Variants in RLN2 observed in about 807,000 individuals in gnomAD.
The protein encoded by RLN2 is relaxin 2.
RLN2 carries 10 observed loss-of-function variants against 7.3 expected under a neutral mutation model. The ratio of observed to expected loss-of-function variants is 1.36; its 90% CI spans 0.84 to 2.31. RLN2 has a LOEUF of 2.31. Ranked by LOEUF, RLN2 falls within the 30% of genes most tolerant of loss-of-function variation. RLN2 has a pLI of 0.00. For missense variants in RLN2, 298 were observed against 217.6 expected, an observed-to-expected ratio of 1.37 and a Z score of -2.32; for synonymous variants, 103 against 82.3, an observed-to-expected ratio of 1.25 and a Z score of -1.36.
At chr9:5,329,309 C>CAAAAA in the RLN2 span, among the ~76,000 whole-genome samples, 262 of 51,540 alleles carry the variant, frequency 5.1e-3, no homozygotes, top group East Asian at 9.7e-3. Context: ...GACTCCATCT[C>CAAAAA]AAAAAAAAAA....
chr9:5,307,745 G>C (rs140956121), upstream of RLN2, among the ~76,000 whole-genome samples: 16 of 152,154 alleles, frequency 1.1e-4, no homozygotes, highest in Non-Finnish European at 1.6e-4. Flanking sequence ...CTTTGTCCCA[G>C]ATGACAGGTG....
the RLN2 span, among the ~76,000 whole-genome samples, chr9:5,332,324 T>C: frequency 6.6e-6 from 1 of 151,580 alleles, no homozygotes; most frequent in Non-Finnish European, 1.5e-5. Flanking sequence ...ATGAAGTGCA[T>C]GTATTACTTT....
the RLN2 span, among the ~76,000 whole-genome samples, chr9:5,327,323 G>A: frequency 2.0e-4 from 31 of 152,132 alleles, no homozygotes; most frequent in African/African-American, 6.3e-4. Context: ...GACCGGCTAC[G>A]CAGCAGCTTG....
chr9:5,329,325 A>AAAAAG, the RLN2 span, among the ~76,000 whole-genome samples: 9 of 149,770 alleles, frequency 6.0e-5, no homozygotes, highest in African/African-American at 7.4e-5. Flanking sequence ...AAAAAAAAAA[A>AAAAAG]AAAAGAAAAG....
the RLN2 span, among the ~76,000 whole-genome samples, chr9:5,332,826 A>G: frequency 6.6e-6 from 1 of 151,856 alleles, no homozygotes; most frequent in Non-Finnish European, 1.5e-5. Flanking sequence ...CATGTTAGCC[A>G]GGATGGTCTC....
At chr9:5,335,311 TGCCAC>T in the RLN2 span, 3 of 1,608,824 alleles carry the variant, frequency 1.9e-6, no homozygotes, top group African/African-American at 4.0e-5. Context: ...TCTCAAACAG[TGCCAC>T]GTAGGGTCGT....
At chr9:5,301,833 A>AT (rs904667105) in intron 1 of RLN2, among the ~76,000 whole-genome samples, 19 of 151,458 alleles carry the variant, frequency 1.3e-4, no homozygotes, top group Non-Finnish European at 2.1e-4. Context: ...TGACAGAGGA[A>AT]TAAAAAAAAA....
chr9:5,306,512 T>A (rs1050934225), upstream of RLN2, among the ~76,000 whole-genome samples: 2 of 152,100 alleles, frequency 1.3e-5, no homozygotes, highest in Non-Finnish European at 2.9e-5. Context: ...CAGGGTAATT[T>A]TGGCCAGCAC....
upstream of RLN2, among the ~76,000 whole-genome samples, chr9:5,306,109 G>GTTTTTTTT (rs199949652): frequency 7.6e-5 from 10 of 131,520 alleles, no homozygotes; most frequent in Non-Finnish European, 1.3e-4. Context: ...TTTGTTTTTT[G>GTTTTTTTT]TTTTTTTTTT....
At position 5,300,253 on chromosome 9, in the gene RLN2, T is replaced by G. The variant is rs1816085090; in HGVS notation, c.403A>C (p.Asn135His). 6.2e-7 allele frequency: 1 copy of G among 1,614,072 alleles called. No individual in the cohort carries two copies. ...LFEEFKKLIR[N>H]RQSEAADSSP... ...CTGTCTGCGGCTTCACTTTGTCTATTGCGAATAAGTTTCTTAAATTCTTCA... is the reference window on the plus strand; with the variant it reads ...CTGTCTGCGGCTTCACTTTGTCTATGGCGAATAAGTTTCTTAAATTCTTCA... The change falls in exon 2 of 2, where the codon AAT becomes CAT. Residue 135 changes from asparagine (N) to histidine (H), a missense_variant. Transcript: ENST00000381627.
At chr9:5,332,935 G>A in the RLN2 span, among the ~76,000 whole-genome samples, 1 of 151,930 alleles carries the variant, frequency 6.6e-6, no homozygotes, top group Non-Finnish European at 1.5e-5. Flanking sequence ...CATTCTTAAT[G>A]TTGTACACTT....
the RLN2 span, among the ~76,000 whole-genome samples, chr9:5,337,178 C>A: frequency 6.6e-6 from 1 of 151,866 alleles, no homozygotes; most frequent in South Asian, 2.1e-4. Flanking sequence ...CTCATAAAAA[C>A]GTCTCTGTGC....
At chr9:5,323,679 C>G in the RLN2 span, among the ~76,000 whole-genome samples, 1 of 151,934 alleles carries the variant, frequency 6.6e-6, no homozygotes, top group African/African-American at 2.4e-5. Context: ...TAGAATTTCC[C>G]TTACTTGTAA....
the RLN2 span, chr9:5,335,007 C>A: frequency 2.7e-6 from 1 of 371,928 alleles, no homozygotes; most frequent in Non-Finnish European, 4.7e-6. Context: ...AAGTTAACAG[C>A]ATTAAAAAGA....
chr9:5,320,754 G>GATATTTA, the RLN2 span, among the ~76,000 whole-genome samples: 5 of 152,030 alleles, frequency 3.3e-5, no homozygotes, highest in African/African-American at 1.2e-4. Flanking sequence ...ATATTCAGAG[G>GATATTTA]GCATTTAAAA....
the RLN2 span, among the ~76,000 whole-genome samples, chr9:5,332,037 C>A: frequency 6.6e-6 from 1 of 151,380 alleles, no homozygotes; most frequent in Non-Finnish European, 1.5e-5. Flanking sequence ...GGGATGAAGG[C>A]AAATGTCTAT....
At chr9:5,332,514 T>C in the RLN2 span, among the ~76,000 whole-genome samples, 18 of 152,090 alleles carry the variant, frequency 1.2e-4, no homozygotes, top group South Asian at 1.7e-3. Flanking sequence ...ATGTAACACA[T>C]GGAAGGTGGC....
the RLN2 span, among the ~76,000 whole-genome samples, chr9:5,318,533 T>A: frequency 1.3e-5 from 2 of 151,984 alleles, no homozygotes; most frequent in Non-Finnish European, 2.9e-5. Flanking sequence ...TTCAAAGAAG[T>A]TTATTCTATA....
rs759872269 is a variant in RLN2, at chr9:5,300,259, T to A, written c.397A>T (p.Ile133Phe). 1.2e-5 allele frequency: 20 copies of A among 1,613,950 alleles called. No individual in the cohort carries two copies. Among genetic ancestry groups the A allele is most frequent in the Non-Finnish European group, 1.7e-5 (20 of 1,179,964 alleles). The change falls in exon 2 of 2, where the codon ATT becomes TTT. Residue 133 changes from isoleucine (I) to phenylalanine (F), a missense_variant. By Grantham distance (21) the Ile-to-Phe change is conservative. Coordinates refer to ENST00000381627, the MANE Select transcript of RLN2 (RefSeq NM_134441.3). ...GCGGCTTCACTTTGTCTATTGCGAA[T>A]AAGTTTCTTAAATTCTTCAAAGAGA... is the stretch of plus-strand genomic sequence containing the variant. ...SLLFEEFKKL[I>F]RNRQSEAADS...
Sources: allele counts gnomAD v4.1 joint callset (sites outside exome capture counted in the v4.1 genomes callset), GRCh38; gene constraint gnomAD v4.1.1; transcripts MANE v1.5; gene names NCBI Gene and HGNC (gene_info 2026-07-23, HGNC 2026-07-21).